The following TJP1 variants were observed in gnomAD, a reference collection of about 807,000 sequenced individuals.
TJP1 encodes the protein tight junction protein 1, also known as tight junction protein ZO-1.
A neutral mutation model predicts 194.2 loss-of-function variants in TJP1; 43 were observed. That is an observed-to-expected ratio of 0.22 (90% confidence interval 0.17 to 0.29). The LOEUF is 0.29. Ranked by LOEUF, TJP1 falls within the 10% of genes least tolerant of loss-of-function variation. The pLI is 1.00. For missense variants in TJP1, 1,971 were observed against 2,185.7 expected (o/e 0.90, Z 1.96); for synonymous variants, 801 against 779.0 (o/e 1.03, Z -0.47).
At chr15:29,952,799 T>A (rs115792013) in intron 2 of TJP1, among the ~76,000 whole-genome samples, 4,859 of 152,266 alleles carry the variant, frequency 0.032, 224 homozygotes, top group African/African-American at 0.1. Flanking sequence ...TTAATCAGAA[T>A]TTTTAAATAA....
At position 29,822,075 on chromosome 15, in the gene TJP1, C is replaced by T. The variant is rs1342834444; in HGVS notation, c.-47G>A. ...GCGAGGCTCCTCGGACCCGAAACTC[C>T]GCGGCGCTGGCCCGCCCGCTCCTCA... On this transcript the variant is annotated 5_prime_UTR_variant, in exon 1 of 28. Coordinates refer to ENST00000614355, the MANE Select transcript of TJP1 (RefSeq NM_001330239.4). 4 of 1,257,014 alleles carry T rather than the reference C, an allele frequency of 3.2e-6. No homozygotes were observed. Among genetic ancestry groups the T allele is most frequent in the African/African-American group, 1.6e-5 (1 of 64,320 alleles). The allele number at this position is 1,257,014 out of a possible 1,614,324, so 77.9% of individuals were successfully genotyped here.
chr15:29,909,173 A>G (rs1185740154), intron 2 of TJP1, among the ~76,000 whole-genome samples: 1 of 107,578 alleles, frequency 9.3e-6, no homozygotes, highest in African/African-American at 3.6e-5. Context: ...AAAAAAAAAG[A>G]AAAGAAAAAG....
chr15:29,838,992 CTTTTTTTTTTTTT>C (rs760557407), intron 2 of TJP1, among the ~76,000 whole-genome samples: 2 of 83,444 alleles, frequency 2.4e-5, no homozygotes, highest in Non-Finnish European at 4.1e-5. Context: ...AAAAATTCAC[CTTTTTTTTTTTTT>C]TTTTTTTTTT....
intron 2 of TJP1, among the ~76,000 whole-genome samples, chr15:29,864,486 C>T (rs1389943056): frequency 1.3e-5 from 2 of 152,146 alleles, no homozygotes; most frequent in East Asian, 3.8e-4. Flanking sequence ...GTTCCTAACC[C>T]ATGGCAGGGG....
chr15:29,893,758 A>C (rs1355958025), intron 2 of TJP1, among the ~76,000 whole-genome samples: 1 of 152,214 alleles, frequency 6.6e-6, no homozygotes, highest in African/African-American at 2.4e-5. Context: ...TGCACTGGGA[A>C]ACCAAAATAT....
In TJP1 at chr15:29,968,422, C is replaced by G. The variant is rs1003453292; in HGVS notation, c.173+245G>C. On this transcript the variant is annotated intron_variant, in intron 1 of 28. Coordinates refer to the TJP1 transcript ENST00000356107. ...CGGCCGCTCCCCGTCGCCCTACGCG[C>G]CGCGGGCACAGCGAGGGTCTCGGCG... The G allele has an allele frequency of 1.1e-5, 11 of 984,604 alleles. No individual in the cohort carries two copies. In the African/African-American group the frequency reaches 1.9e-4, roughly 17 times the overall value. The allele number at this position is 984,604 out of a possible 1,614,324, so 61.0% of individuals were successfully genotyped here.
chr15:29,701,720 C>T (rs781428389), intron 27 of TJP1, 31 bp from the exon 28 acceptor site: 8 of 1,540,028 alleles, frequency 5.2e-6, no homozygotes, highest in Non-Finnish European at 6.3e-6. Flanking sequence ...ATGTCATTTA[C>T]AGTTCAGTAA....
At chr15:29,962,291 T>C (rs932923620) in intron 1 of TJP1, among the ~76,000 whole-genome samples, 1 of 152,192 alleles carries the variant, frequency 6.6e-6, no homozygotes, top group Non-Finnish European at 1.5e-5. Flanking sequence ...ATGCCTTTTG[T>C]TTCCAACTCA....
intron 2 of TJP1, among the ~76,000 whole-genome samples, chr15:29,775,005 T>C (rs1045343597): frequency 8.5e-5 from 13 of 152,154 alleles, no homozygotes; most frequent in African/African-American, 2.7e-4. Context: ...AAATAAACAA[T>C]TGGTAAGACT....
intron 18 of TJP1, among the ~76,000 whole-genome samples, chr15:29,723,621 A>G (rs2043067351): frequency 3.3e-5 from 5 of 152,228 alleles, no homozygotes; most frequent in Non-Finnish European, 7.3e-5. Flanking sequence ...CTGTTATGAA[A>G]CACAATGGAA....
At chr15:29,752,670 G>A (rs542503637) in intron 8 of TJP1, among the ~76,000 whole-genome samples, 9 of 152,106 alleles carry the variant, frequency 5.9e-5, no homozygotes, top group South Asian at 4.1e-4. Context: ...ATAACAGTTC[G>A]TTCACAAAAG....
Position 29,968,811 on chromosome 15 carries a change from CG to C in TJP1, c.28del (p.Arg10GlyfsTer18). 1 of 1,140,526 alleles carries C rather than the reference CG, an allele frequency of 8.8e-7. No individual in the cohort carries two copies. The highest frequency in any genetic ancestry group is 1.1e-6 in the Non-Finnish European group (1 of 881,590). The allele number at this position is 1,140,526 out of a possible 1,614,324, so 70.7% of individuals were successfully genotyped here. On this transcript the variant is annotated frameshift_variant, in exon 1 of 29. Coordinates refer to the TJP1 transcript ENST00000356107. LOFTEE classifies it high-confidence loss of function. ...AGGGCCCCGCCGCCTCCGCCGCCGC[CG>C]CAGACACAGCCCCTCCAGGCGCCGC...
In TJP1 at chr15:29,907,964, T is replaced by C. The variant is rs182288265; in HGVS notation, c.306+48268A>G. Among the ~76,000 whole-genome samples, 9 of 144,314 alleles carry C rather than the reference T, an allele frequency of 6.2e-5. No individual in the cohort carries two copies. In the East Asian group the frequency reaches 1.6e-3, roughly 26 times the overall value. 94.7% of individuals were successfully genotyped at this position (144,314 alleles called of 152,430 possible). ...AAAAACAAAGTGAGAACAACAGTGC[T>C]CTTGGAAACTAAAAATATGGACAGA... On this transcript the variant is annotated intron_variant, in intron 2 of 28. Transcript: ENST00000356107.
At chr15:29,774,872 A>C (rs2046918930) in intron 2 of TJP1, among the ~76,000 whole-genome samples, 1 of 151,742 alleles carries the variant, frequency 6.6e-6, no homozygotes, top group Non-Finnish European at 1.5e-5. Flanking sequence ...ATATTCTCCC[A>C]AAATTTAATA....
At chr15:29,829,201 T>C (rs1483477506) in intron 2 of TJP1, among the ~76,000 whole-genome samples, 1 of 152,208 alleles carries the variant, frequency 6.6e-6, no homozygotes, top group Non-Finnish European at 1.5e-5. Context: ...TGCATAACTA[T>C]GGGACATTTG....
chr15:29,941,990 C>T (rs560003317), intron 2 of TJP1, among the ~76,000 whole-genome samples: 4 of 152,110 alleles, frequency 2.6e-5, no homozygotes, highest in Admixed American at 6.6e-5. Flanking sequence ...TCTCCATGCC[C>T]GCCCACCAGA....
chr15:29,795,936 CA>C (rs2048373538), intron 2 of TJP1, among the ~76,000 whole-genome samples: 1 of 152,010 alleles, frequency 6.6e-6, no homozygotes, highest in Admixed American at 6.6e-5. Flanking sequence ...AAAGCACTGA[CA>C]AAAATTCAAC....
At chr15:29,803,185 T>C (rs1183137667) in intron 1 of TJP1, among the ~76,000 whole-genome samples, 1 of 152,174 alleles carries the variant, frequency 6.6e-6, no homozygotes, top group African/African-American at 2.4e-5. Flanking sequence ...CCTTTCTCCA[T>C]TCCCCATCAG....
chr15:29,810,662 G>A (rs1379800317), intron 1 of TJP1, among the ~76,000 whole-genome samples: 1 of 152,158 alleles, frequency 6.6e-6, no homozygotes, highest in Non-Finnish European at 1.5e-5. Context: ...ACTAAGTACA[G>A]GTTATCATAA....
Sources: allele counts gnomAD v4.1 joint callset (sites outside exome capture counted in the v4.1 genomes callset), GRCh38; gene constraint gnomAD v4.1.1; transcripts MANE v1.5; gene names NCBI Gene and HGNC (gene_info 2026-07-23, HGNC 2026-07-21).